Variants in LGR4 observed in about 807,000 individuals in gnomAD.
The protein encoded by LGR4 is leucine rich repeat containing G protein-coupled receptor 4.
A neutral mutation model predicts 84.8 loss-of-function variants in LGR4; 44 were observed. The observed-to-expected ratio is 0.52, with a 90% CI of 0.41 to 0.67. The LOEUF is 0.67. Among genes scored for constraint, LGR4 ranks in the 30% least tolerant of loss-of-function variants. LGR4 has a pLI of 0.00. For synonymous variants in LGR4, 429 were observed against 434.3 expected, an observed-to-expected ratio of 0.99 and a Z score of 0.15; for missense variants, 1,032 against 1,131.4, an observed-to-expected ratio of 0.91 and a Z score of 1.26.
chr11:27,413,403 T>C (rs1345451621), intron 1 of LGR4, among the ~76,000 whole-genome samples: 1 of 152,152 alleles, frequency 6.6e-6, no homozygotes, highest in East Asian at 1.9e-4. Flanking sequence ...AGTGCGTACA[T>C]GATAGGTATG....
chr11:27,391,479 C>T (rs1863284195), intron 3 of LGR4, among the ~76,000 whole-genome samples: 1 of 152,028 alleles, frequency 6.6e-6, no homozygotes, highest in Non-Finnish European at 1.5e-5. Context: ...ACCCTGGGTG[C>T]TATTAGTTAA....
Position 27,384,901 on chromosome 11 carries a change from G to A in LGR4, c.617+352C>T, listed in dbSNP as rs761368140. Among the ~76,000 whole-genome samples, 65 of 152,196 alleles carry A rather than the reference G, an allele frequency of 4.3e-4. 1 individual carries two copies. Among genetic ancestry groups the A allele is most frequent in the African/African-American group, 1.5e-3 (62 of 41,528 alleles). ...TACTCTCTGAACAAGTGGAAAACAC[G>A]AAATATCCCTGGGACTAACTTCTAT... On this transcript the variant is annotated intron_variant, in intron 5 of 17. Coordinates refer to ENST00000379214, the MANE Select transcript of LGR4 (RefSeq NM_018490.5).
At chr11:27,381,734 C>T (rs11029988) in intron 7 of LGR4, among the ~76,000 whole-genome samples, 5,561 of 152,160 alleles carry the variant, frequency 0.037, 319 homozygotes, top group African/African-American at 0.12. Flanking sequence ...CAAAAATGCT[C>T]CCTCATTCCT....
At chr11:27,469,729 C>G (rs1590419505) in intron 1 of LGR4, among the ~76,000 whole-genome samples, 1 of 152,164 alleles carries the variant, frequency 6.6e-6, no homozygotes, top group African/African-American at 2.4e-5. Flanking sequence ...TTCACATGCT[C>G]CAGCAATTAA....
chr11:27,434,601 C>G (rs1306991799), intron 1 of LGR4, among the ~76,000 whole-genome samples: 1 of 152,132 alleles, frequency 6.6e-6, no homozygotes, highest in African/African-American at 2.4e-5. Context: ...AAGCCCCTGC[C>G]TTGCCAGAGA....
At chr11:27,397,686 A>G (rs1863416257) in intron 2 of LGR4, among the ~76,000 whole-genome samples, 1 of 152,196 alleles carries the variant, frequency 6.6e-6, no homozygotes, top group African/African-American at 2.4e-5. Context: ...ATATGCTGGA[A>G]GCATATTTTC....
chr11:27,387,047 C>T lies in LGR4; in HGVS notation c.402-1579G>A, dbSNP rs942002529. On this transcript the variant is annotated intron_variant, in intron 4 of 17. Transcript: ENST00000379214. ...ATGTGTGCACACACACATGCGCACA[C>T]GCACACACACCCCTCATGGAACTTT... Among the ~76,000 whole-genome samples, 10 of 152,206 alleles carry T rather than the reference C, an allele frequency of 6.6e-5. No individual in the cohort carries two copies. The East Asian group carries it at 9.7e-4, about 15-fold the overall frequency.
intron 2 of LGR4, among the ~76,000 whole-genome samples, chr11:27,410,915 G>A (rs1863698292): frequency 6.6e-6 from 1 of 152,072 alleles, no homozygotes; most frequent in South Asian, 2.1e-4. Flanking sequence ...AATTCATGAG[G>A]TTGGCATATG....
intron 1 of LGR4, among the ~76,000 whole-genome samples, chr11:27,439,738 G>T (rs1326038962): frequency 6.6e-6 from 1 of 151,944 alleles, no homozygotes; most frequent in African/African-American, 2.4e-5. Flanking sequence ...GTTTTCTTTT[G>T]TCTACCTCTC....
chr11:27,412,877 T>A lies in LGR4; in HGVS notation c.186-17A>T. ...CTGATATCCCTGGAAAACGTAAAGT[T>A]AAGAATATTGTTAATTAAGTGGTAT... On this transcript the variant is annotated splice_polypyrimidine_tract_variant and intron_variant, in intron 1 of 17. Coordinates refer to ENST00000379214, the MANE Select transcript of LGR4 (RefSeq NM_018490.5). 1 of 1,526,852 alleles carries A rather than the reference T, an allele frequency of 6.5e-7. No homozygotes were observed. Among genetic ancestry groups the A allele is most frequent in the Non-Finnish European group, 9.1e-7 (1 of 1,101,956 alleles). 94.6% of individuals were successfully genotyped at this position (1,526,852 alleles called of 1,614,324 possible). A position where few individuals can be genotyped will look rare whatever the true frequency, so the allele number is the denominator to read the frequency against.
chr11:27,391,593 T>C (rs1863285941), intron 3 of LGR4, among the ~76,000 whole-genome samples: 1 of 152,162 alleles, frequency 6.6e-6, no homozygotes, highest in African/African-American at 2.4e-5. Context: ...CCCGGAAACA[T>C]GGACATTAGG....
chr11:27,450,175 G>A (rs1181242005), intron 1 of LGR4, among the ~76,000 whole-genome samples: 2 of 152,110 alleles, frequency 1.3e-5, no homozygotes, highest in African/African-American at 2.4e-5. Flanking sequence ...TAAGGACAAC[G>A]GAAGGGACAG....
At chr11:27,465,746 A>G (rs1365938986) in intron 1 of LGR4, among the ~76,000 whole-genome samples, 1 of 152,262 alleles carries the variant, frequency 6.6e-6, no homozygotes, top group Non-Finnish European at 1.5e-5. Context: ...ATTTTAGACA[A>G]TAGAGTTGAC....
intron 1 of LGR4, 129 bp downstream of exon 1, chr11:27,471,989 A>AC: frequency 1.8e-6 from 1 of 566,524 alleles, no homozygotes. Flanking sequence ...TGACCGGCGG[A>AC]CCCCCTCCCC....
intron 1 of LGR4, among the ~76,000 whole-genome samples, chr11:27,439,803 G>A (rs942304995): frequency 2.6e-5 from 4 of 151,724 alleles, no homozygotes; most frequent in African/African-American, 7.3e-5. Context: ...GGTAGTGAGC[G>A]AATACTTTAA....
chr11:27,463,256 A>AC (rs1864717225), intron 1 of LGR4, among the ~76,000 whole-genome samples: 1 of 151,984 alleles, frequency 6.6e-6, no homozygotes, highest in Non-Finnish European at 1.5e-5. Flanking sequence ...TGTCTCAAAA[A>AC]TAAAAAGACT....
intron 1 of LGR4, among the ~76,000 whole-genome samples, chr11:27,418,242 A>G (rs1484364253): frequency 6.6e-6 from 1 of 152,166 alleles, no homozygotes; most frequent in Non-Finnish European, 1.5e-5. Context: ...TTCAAATTGC[A>G]TTATTTCATT....
intron 1 of LGR4, among the ~76,000 whole-genome samples, chr11:27,452,011 G>A (rs1864489880): frequency 6.6e-6 from 1 of 152,066 alleles, no homozygotes; most frequent in Admixed American, 6.6e-5. Context: ...GAAGCTGGGG[G>A]AAAAAATGGA....
chr11:27,466,302 T>C (rs1217863323), intron 1 of LGR4, among the ~76,000 whole-genome samples: 2 of 152,234 alleles, frequency 1.3e-5, no homozygotes, highest in Non-Finnish European at 2.9e-5. Flanking sequence ...CATAAATTAC[T>C]AAATGATTCT....
Sources: gnomAD v4.1 joint callset for allele counts (sites outside exome capture counted in the v4.1 genomes callset) on GRCh38, gnomAD v4.1.1 for gene constraint, MANE v1.5 for transcripts, NCBI Gene and HGNC (gene_info 2026-07-23, HGNC 2026-07-21) for gene names.